The following KHDRBS2 variants were observed in gnomAD, a reference collection of about 807,000 sequenced individuals.
KHDRBS2 encodes the protein KH domain-containing, RNA-binding, signal transduction-associated protein 2.
KHDRBS2 carries 26 observed loss-of-function variants against 44.3 expected under a neutral mutation model. That is an observed-to-expected ratio of 0.59 (90% CI 0.43 to 0.81). The LOEUF (loss-of-function observed/expected upper bound fraction) is 0.81, where lower values mean the gene tolerates loss of function less well. Among genes scored for constraint, KHDRBS2 ranks in the 40% least tolerant of loss-of-function variants. The pLI, the probability that KHDRBS2 is intolerant of heterozygous loss-of-function variation, is 0.00. For synonymous variants in KHDRBS2, 194 were observed against 151.1 expected, an observed-to-expected ratio of 1.28 and a Z score of -2.08; for missense variants, 476 against 433.1, an observed-to-expected ratio of 1.10 and a Z score of -0.88.
intron 4 of KHDRBS2, among the ~76,000 whole-genome samples, chr6:61,962,355 C>G (rs1221385696): frequency 6.6e-6 from 1 of 152,066 alleles, no homozygotes; most frequent in Admixed American, 6.6e-5. Flanking sequence ...ATAATATTCT[C>G]AAAAACTTGC....
At chr6:61,892,325 T>C (rs369804076) in intron 6 of KHDRBS2, among the ~76,000 whole-genome samples, 2 of 151,150 alleles carry the variant, frequency 1.3e-5, no homozygotes, top group African/African-American at 2.4e-5. Flanking sequence ...GGCCATACTG[T>C]CCAAGGTAAT....
At chr6:61,946,988 G>T (rs549309989) in intron 4 of KHDRBS2, among the ~76,000 whole-genome samples, 100 of 152,148 alleles carry the variant, frequency 6.6e-4, no homozygotes, top group African/African-American at 2.4e-3. Context: ...GCGGGCAAAT[G>T]GATAAAAATC....
intron 3 of KHDRBS2, among the ~76,000 whole-genome samples, chr6:61,985,776 G>A (rs144761189): frequency 4.6e-5 from 7 of 152,210 alleles, no homozygotes; most frequent in African/African-American, 9.6e-5. Flanking sequence ...GACTTAGCAC[G>A]TGACTTCCCT....
At position 61,680,865 on chromosome 6, in the gene KHDRBS2, C is replaced by G. The variant is rs556460158; in HGVS notation, c.*98G>C. On this transcript the variant is annotated 3_prime_UTR_variant, in exon 9 of 9. Transcript: ENST00000281156. The stretch of plus-strand genomic sequence containing the variant: ...CAGTTATCCCTAGAATAGAAACAAA[C>G]AAACAAAAAAAGGACTATTACTTGT... The G allele has an allele frequency of 1.4e-6, 1 of 701,734 alleles. No homozygotes were observed. Among genetic ancestry groups the G allele is most frequent in the Admixed American group, 2.7e-5 (1 of 36,864 alleles). 43.5% of individuals were successfully genotyped at this position (701,734 alleles called of 1,614,324 possible). A position where few individuals can be genotyped will look rare whatever the true frequency, so the allele number is the denominator to read the frequency against.
At chr6:61,581,061 G>A in the KHDRBS2 span, among the ~76,000 whole-genome samples, 7 of 152,224 alleles carry the variant, frequency 4.6e-5, no homozygotes, top group East Asian at 5.8e-4. Flanking sequence ...AGAGGGAGAA[G>A]GGACATCAAG....
chr6:62,165,661 G>A (rs1818533455), intron 2 of KHDRBS2, among the ~76,000 whole-genome samples: 1 of 151,234 alleles, frequency 6.6e-6, no homozygotes, highest in African/African-American at 2.4e-5. Context: ...TTGTAAAATA[G>A]ACAGCATAAA....
At chr6:61,948,654 C>CATTATTATT (rs145017316) in intron 4 of KHDRBS2, among the ~76,000 whole-genome samples, 16,579 of 141,456 alleles carry the variant, frequency 0.12, 1,017 homozygotes, top group Non-Finnish European at 0.13. Context: ...TATATTCTCA[C>CATTATTATT]ATTATTATTA....
At chr6:61,851,338 A>C (rs1795385882) in intron 6 of KHDRBS2, among the ~76,000 whole-genome samples, 1 of 152,000 alleles carries the variant, frequency 6.6e-6, no homozygotes, top group Admixed American at 6.6e-5. Flanking sequence ...ACTTTAATAC[A>C]ACATAAATTC....
At chr6:61,878,807 AC>A (rs1799810821) in intron 6 of KHDRBS2, among the ~76,000 whole-genome samples, 1 of 152,022 alleles carries the variant, frequency 6.6e-6, no homozygotes, top group Non-Finnish European at 1.5e-5. Flanking sequence ...TGGCTAGGCA[AC>A]TTTGAGCATA....
intron 6 of KHDRBS2, among the ~76,000 whole-genome samples, chr6:61,874,884 C>T (rs969739550): frequency 4.4e-4 from 67 of 152,212 alleles, no homozygotes; most frequent in African/African-American, 1.5e-3. Flanking sequence ...CTCTTTAGAA[C>T]CAGCTATCTA....
At chr6:61,639,921 A>T in the KHDRBS2 span, among the ~76,000 whole-genome samples, 8 of 152,100 alleles carry the variant, frequency 5.3e-5, no homozygotes, top group East Asian at 3.9e-4. Flanking sequence ...TATAATAACC[A>T]AATAATCAAA....
intron 1 of KHDRBS2, among the ~76,000 whole-genome samples, chr6:62,216,696 C>CTTT (rs562340356): frequency 0.14 from 20,211 of 139,984 alleles, 1,787 homozygotes; most frequent in African/African-American, 0.21. Context: ...TCTTTCTCCT[C>CTTT]TTTTTTTTTT....
At chr6:61,953,506 T>C (rs1187669457) in intron 4 of KHDRBS2, among the ~76,000 whole-genome samples, 1 of 152,096 alleles carries the variant, frequency 6.6e-6, no homozygotes, top group Non-Finnish European at 1.5e-5. Context: ...GCTATATTTT[T>C]TTAAATTGTG....
intron 7 of KHDRBS2, among the ~76,000 whole-genome samples, chr6:61,722,364 T>A (rs1206555889): frequency 6.6e-6 from 1 of 152,180 alleles, no homozygotes; most frequent in Non-Finnish European, 1.5e-5. Context: ...GGGGGATTAA[T>A]TAAAATTGTT....
rs554966446 is a variant in KHDRBS2, at chr6:61,855,455, T to C, written c.810+39180A>G. On this transcript the variant is annotated intron_variant, in intron 6 of 8. Coordinates refer to ENST00000281156, the MANE Select transcript of KHDRBS2 (RefSeq NM_152688.4). ...AATAATAGGTGCCTCCTAGGTTTCTTTGAGAATGAACTAATTTTAGATGTG... is the reference window on the plus strand; with the variant it reads ...AATAATAGGTGCCTCCTAGGTTTCTCTGAGAATGAACTAATTTTAGATGTG... Among the ~76,000 whole-genome samples, 5 of 150,074 alleles carry C rather than the reference T, an allele frequency of 3.3e-5. No individual in the cohort carries two copies. The East Asian group carries it at 9.8e-4, about 29-fold the overall frequency.
At chr6:62,059,754 G>A (rs1426420522) in intron 2 of KHDRBS2, among the ~76,000 whole-genome samples, 26 of 151,662 alleles carry the variant, frequency 1.7e-4, no homozygotes, top group Non-Finnish European at 1.6e-4. Context: ...TACAGGGGTA[G>A]TATTTCAAGT....
the KHDRBS2 span, among the ~76,000 whole-genome samples, chr6:61,646,048 T>C: frequency 6.6e-6 from 1 of 152,200 alleles, no homozygotes; most frequent in Non-Finnish European, 1.5e-5. Flanking sequence ...GTCCTTTTAT[T>C]TGTAAAATCA....
intron 2 of KHDRBS2, among the ~76,000 whole-genome samples, chr6:62,064,819 G>C (rs1160984115): frequency 6.6e-6 from 1 of 151,502 alleles, no homozygotes; most frequent in Non-Finnish European, 1.5e-5. Flanking sequence ...CACAGCAAAA[G>C]AAACTACCAT....
chr6:62,186,363 T>A (rs1203929316), intron 1 of KHDRBS2, among the ~76,000 whole-genome samples: 1 of 152,090 alleles, frequency 6.6e-6, no homozygotes, highest in Non-Finnish European at 1.5e-5. Context: ...GCTATTATCA[T>A]TTTATTTACT....
Sources: gnomAD v4.1 joint callset for allele counts (sites outside exome capture counted in the v4.1 genomes callset) on GRCh38, gnomAD v4.1.1 for gene constraint, MANE v1.5 for transcripts, NCBI Gene and HGNC (gene_info 2026-07-23, HGNC 2026-07-21) for gene names.